PLXNA1: variants seen among roughly 807,000 people sequenced by gnomAD.
PLXNA1 encodes the protein plexin A1.
In PLXNA1, 77 loss-of-function variants were observed where a neutral mutation model predicts 191.7. That is an observed-to-expected ratio of 0.40 (90% CI 0.33 to 0.49). The LOEUF is 0.49. PLXNA1 is among the 20% of genes least tolerant of loss of function. The pLI is 0.63. For missense variants in PLXNA1, 2,110 were observed against 2,660.2 expected, an observed-to-expected ratio of 0.79 and a Z score of 4.55; for synonymous variants, 1,137 against 1,156.4, an observed-to-expected ratio of 0.98 and a Z score of 0.34.
chr3:126,989,550 G>A lies in PLXNA1; in HGVS notation c.957G>A (p.Arg319=), dbSNP rs747240231. 3.7e-6 allele frequency: 6 copies of A among 1,613,184 alleles called. No homozygotes were observed. The South Asian group carries it at 4.4e-5, about 12-fold the overall frequency. The change falls in exon 2 of 32, where the codon CGG becomes CGA. Residue 319 remains arginine, a synonymous_variant. Transcript: ENST00000393409. ...TGGTGCAGGATGCCTACCTGAGCCGGCCCGGCCGTGCCCTGGCCCACCAGC... is the reference window on the plus strand; with the variant it reads ...TGGTGCAGGATGCCTACCTGAGCCGACCCGGCCGTGCCCTGGCCCACCAGC... ...YRLVQDAYLS[R]PGRALAHQLG...
At chr3:127,031,134 C>T (rs2079208588) in intron 29 of PLXNA1, among the ~76,000 whole-genome samples, 1 of 152,220 alleles carries the variant, frequency 6.6e-6, no homozygotes, top group African/African-American at 2.4e-5. Context: ...CCCAACTCAG[C>T]AATGTTGGCT....
chr3:126,990,252 A>G (rs369446699), intron 2 of PLXNA1, among the ~76,000 whole-genome samples: 22 of 152,288 alleles, frequency 1.4e-4, no homozygotes, highest in South Asian at 1.2e-3. Context: ...CACCATTTCC[A>G]TGGAGCGCTT....
chr3:126,984,375 C>T (rs1276803412), intron 1 of PLXNA1, among the ~76,000 whole-genome samples: 5 of 152,234 alleles, frequency 3.3e-5, no homozygotes, highest in African/African-American at 1.2e-4. Flanking sequence ...CCGTGCTGCC[C>T]CATCTCCTTT....
At chr3:127,010,360 G>A (rs2079089490) in intron 9 of PLXNA1, among the ~76,000 whole-genome samples, 1 of 152,206 alleles carries the variant, frequency 6.6e-6, no homozygotes, top group East Asian at 1.9e-4. Context: ...CAGAGTCAGA[G>A]TCAGGCCAGG....
At chr3:127,033,421 C>T (rs2079222760) in intron 31 of PLXNA1, among the ~76,000 whole-genome samples, 1 of 152,162 alleles carries the variant, frequency 6.6e-6, no homozygotes, top group Non-Finnish European at 1.5e-5. Flanking sequence ...GAGGCCAGGG[C>T]AGGTGCAGCA....
intron 1 of PLXNA1, 36 bp from the exon 2 acceptor site, chr3:126,988,485 C>A: frequency 1.1e-6 from 1 of 950,674 alleles, no homozygotes; most frequent in Non-Finnish European, 1.5e-6. Context: ...ATGGGCCATG[C>A]CTGCATTCAC....
intron 2 of PLXNA1, 113 bp from the exon 3 acceptor site, chr3:126,991,271 G>C (rs775602480): frequency 1.7e-6 from 2 of 1,177,432 alleles, no homozygotes; most frequent in Non-Finnish European, 1.2e-6. Flanking sequence ...TCCTCTGGGG[G>C]CTACCCCCAA....
chr3:126,991,916 G>A (rs2078992788), intron 3 of PLXNA1, among the ~76,000 whole-genome samples: 1 of 152,094 alleles, frequency 6.6e-6, no homozygotes, highest in Non-Finnish European at 1.5e-5. Flanking sequence ...GGCCTGCGCG[G>A]CCCCCTCCCC....
chr3:126,983,746 T>C (rs919660), intron 1 of PLXNA1, among the ~76,000 whole-genome samples: 1 of 151,700 alleles, frequency 6.6e-6, no homozygotes, highest in Non-Finnish European at 1.5e-5. Flanking sequence ...TCCAGGCCCG[T>C]CCCGGCCGCT....
In PLXNA1 at chr3:127,014,605, A is replaced by C. The variant is rs1421803593; in HGVS notation, c.2732A>C (p.Glu911Ala). The change falls in exon 13 of 32, where the codon GAG becomes GCG. Residue 911 changes from glutamate (E) to alanine (A), a missense_variant. Physicochemically the swap from Glu to Ala is moderately radical, Grantham distance 107. Coordinates refer to ENST00000393409, the MANE Select transcript of PLXNA1 (RefSeq NM_032242.4). Reference sequence around the variant, plus strand: ...GGCAAGGTGCTGTGCAGCCCTGTGGAGAGCGAGTACATCAGTGCGGAGCAG... The same window carrying C: ...GGCAAGGTGCTGTGCAGCCCTGTGGCGAGCGAGTACATCAGTGCGGAGCAG... ...RVGKVLCSPV[E>A]SEYISAEQIV... The C allele has an allele frequency of 6.2e-7, 1 of 1,613,258 alleles. No homozygotes were observed. The highest frequency in any genetic ancestry group is 8.5e-7 in the Non-Finnish European group (1 of 1,179,822).
chr3:127,023,715 C>T (rs1404342837), intron 23 of PLXNA1, among the ~76,000 whole-genome samples: 1 of 152,232 alleles, frequency 6.6e-6, no homozygotes, highest in Non-Finnish European at 1.5e-5. Context: ...GCACAGATGC[C>T]TGCACAGAGC....
chr3:127,002,981 G>T (rs938715045), intron 3 of PLXNA1, among the ~76,000 whole-genome samples: 1 of 152,156 alleles, frequency 6.6e-6, no homozygotes, highest in African/African-American at 2.4e-5. Flanking sequence ...CTAGGCACCC[G>T]TGGGACTCCT....
intron 9 of PLXNA1, among the ~76,000 whole-genome samples, chr3:127,010,238 G>A (rs1033725053): frequency 3.9e-5 from 6 of 151,990 alleles, no homozygotes; most frequent in Non-Finnish European, 5.9e-5. Flanking sequence ...GCCTTTTACC[G>A]GGGAGACTAT....
At position 127,032,742 on chromosome 3, in the gene PLXNA1, A is replaced by G; in HGVS notation, c.5501A>G (p.Tyr1834Cys). 1 of 1,613,430 alleles carries G rather than the reference A, an allele frequency of 6.2e-7. No homozygotes were observed. Among genetic ancestry groups the G allele is most frequent in the Non-Finnish European group, 8.5e-7 (1 of 1,180,006 alleles). ...ATCAGCGACCAGGACATGAGTGCGT[A>G]TCTGGCTGAGCAGTCCCGCCTGCAC... The part of the protein sequence containing the change: ...PAISDQDMSA[Y>C]LAEQSRLHLS... Residue 1834 changes from tyrosine to cysteine, a missense_variant, in exon 31 of 32, where the codon TAT becomes TGT. Tyr to Cys is a radical substitution (Grantham distance 194). Coordinates refer to ENST00000393409, the MANE Select transcript of PLXNA1 (RefSeq NM_032242.4).
chr3:127,015,511 C>G (rs1292243878), intron 15 of PLXNA1, among the ~76,000 whole-genome samples, 191 bp downstream of exon 15: 1 of 152,058 alleles, frequency 6.6e-6, no homozygotes, highest in African/African-American at 2.4e-5. Context: ...CGGTGATGGG[C>G]GTGGGGCCTG....
intron 3 of PLXNA1, among the ~76,000 whole-genome samples, chr3:127,000,492 G>C (rs766480798): frequency 4.6e-5 from 7 of 152,162 alleles, no homozygotes; most frequent in Admixed American, 3.3e-4. Flanking sequence ...TTCACCTGCC[G>C]TCTGTGCCCC....
At chr3:127,029,200 C>T (rs772189810) in intron 26 of PLXNA1, 104 bp downstream of exon 26, 2 of 972,594 alleles carry the variant, frequency 2.1e-6, no homozygotes, top group Non-Finnish European at 3.2e-6. Context: ...GCAGCTGGAT[C>T]TGTCAGGGAG....
intron 17 of PLXNA1, 47 bp from the exon 18 acceptor site, chr3:127,017,378 G>A (rs766914125): frequency 6.3e-7 from 1 of 1,589,160 alleles, no homozygotes; most frequent in South Asian, 1.1e-5. Flanking sequence ...GGAGCTGCCG[G>A]GCCACTCGCG....
At chr3:127,003,866 G>A (rs1465838241) in intron 4 of PLXNA1, among the ~76,000 whole-genome samples, 2 of 152,234 alleles carry the variant, frequency 1.3e-5, no homozygotes, top group African/African-American at 4.8e-5. Flanking sequence ...CTGGGTCTCT[G>A]TCCAGTGGGT....
Sources: gnomAD v4.1 joint callset for allele counts (sites outside exome capture counted in the v4.1 genomes callset) on GRCh38, gnomAD v4.1.1 for gene constraint, MANE v1.5 for transcripts, NCBI Gene and HGNC (gene_info 2026-07-23, HGNC 2026-07-21) for gene names.